Variants in AGAP4 observed in about 807,000 individuals in gnomAD.
The protein encoded by AGAP4 is arf-GAP with GTPase, ANK repeat and PH domain-containing protein 4.
In AGAP4, 13 loss-of-function variants were observed where a neutral mutation model predicts 60.7. The ratio of observed to expected loss-of-function variants is 0.21; its 90% confidence interval spans 0.14 to 0.34. The LOEUF (loss-of-function observed/expected upper bound fraction) is 0.34, where lower values mean the gene tolerates loss of function less well. Among genes scored for constraint, AGAP4 ranks in the 10% least tolerant of loss-of-function variants. AGAP4 has a pLI of 1.00. For missense variants in AGAP4, 169 were observed against 884.0 expected (o/e 0.19, Z 10.26); for synonymous variants, 70 against 339.0 (o/e 0.21, Z 8.72).
chr10:45,848,117 CA>C, upstream of AGAP4, among the ~76,000 whole-genome samples: 1 of 148,766 alleles, frequency 6.7e-6, no homozygotes, highest in South Asian at 2.2e-4. Flanking sequence ...TGTAACTAAA[CA>C]CTCCTCTCCT....
intron 4 of AGAP4, among the ~76,000 whole-genome samples, chr10:45,838,991 CATTA>C (rs1465460170): frequency 1.6e-5 from 2 of 125,944 alleles, no homozygotes; most frequent in African/African-American, 6.0e-5. Flanking sequence ...GGCTTAATAT[CATTA>C]ATTATACTCA....
chr10:45,843,960 C>G (rs1447446521), intron 3 of AGAP4, among the ~76,000 whole-genome samples: 6 of 149,016 alleles, frequency 4.0e-5, no homozygotes, highest in South Asian at 2.1e-4. Flanking sequence ...AGCTGAAGTT[C>G]TATCATTCAT....
At chr10:45,829,207 C>G (rs1442151759) in intron 6 of AGAP4, among the ~76,000 whole-genome samples, 1 of 97,066 alleles carries the variant, frequency 1.0e-5, no homozygotes, top group Non-Finnish European at 2.0e-5. Context: ...TTCACTGTCC[C>G]CTACAGGTAA....
At chr10:45,839,836 TA>T (rs1280547327) in intron 4 of AGAP4, among the ~76,000 whole-genome samples, 1 of 130,366 alleles carries the variant, frequency 7.7e-6, no homozygotes, top group Admixed American at 7.4e-5. Context: ...AGCAAAACTT[TA>T]AAAAAAAATC....
intron 3 of AGAP4, 134 bp from the exon 4 acceptor site, chr10:45,841,821 T>C (rs1170037233): frequency 2.9e-6 from 3 of 1,021,478 alleles, no homozygotes; most frequent in Non-Finnish European, 2.7e-6. Flanking sequence ...TTCAATAACA[T>C]ATAATTTAAA....
chr10:45,852,495 T>TAATAAGAA (rs2059097611), upstream of AGAP4, among the ~76,000 whole-genome samples: 1 of 150,140 alleles, frequency 6.7e-6, no homozygotes, highest in African/African-American at 2.5e-5. Context: ...GAGGAAAAAA[T>TAATAAGAA]AATAAGAAAA....
intron 5 of AGAP4, among the ~76,000 whole-genome samples, chr10:45,832,116 A>T (rs1350981268): frequency 0.01 from 1,442 of 137,696 alleles, 35 homozygotes; most frequent in African/African-American, 0.037. Context: ...GGGAAGGCAA[A>T]TCTCAATTCT....
intron 5 of AGAP4, 127 bp from the exon 6 acceptor site, chr10:45,831,556 G>C (rs1487971314): frequency 1.4e-6 from 1 of 732,840 alleles, no homozygotes; most frequent in Non-Finnish European, 2.2e-6. Flanking sequence ...GTTCAGAACA[G>C]TACCATAAGG....
intron 6 of AGAP4, among the ~76,000 whole-genome samples, chr10:45,829,331 CTT>C (rs1342795180): frequency 6.0e-5 from 8 of 134,096 alleles, no homozygotes; most frequent in African/African-American, 2.0e-4. Flanking sequence ...ACCAGAAGCG[CTT>C]TTTTTTTTTT....
intron 4 of AGAP4, among the ~76,000 whole-genome samples, chr10:45,837,010 G>A (rs1296974658): frequency 1.1e-4 from 16 of 146,394 alleles, no homozygotes; most frequent in East Asian, 8.1e-4. Flanking sequence ...GGGATTACAG[G>A]TGAGCGCCAC....
chr10:45,838,804 C>T (rs1177022804), intron 4 of AGAP4, among the ~76,000 whole-genome samples: 3 of 151,644 alleles, frequency 2.0e-5, no homozygotes, highest in Non-Finnish European at 2.9e-5. Context: ...ATGAACAAAT[C>T]TTAATTAACT....
upstream of AGAP4, chr10:45,847,563 C>T (rs1412820151): frequency 5.0e-5 from 72 of 1,441,670 alleles, 1 homozygote; most frequent in South Asian, 9.7e-4. Context: ...ACCCTGCTGC[C>T]TCCCCTGAGT....
chr10:45,852,411 A>G (rs1317670259), upstream of AGAP4, among the ~76,000 whole-genome samples: 1 of 140,776 alleles, frequency 7.1e-6, no homozygotes, highest in Non-Finnish European at 1.6e-5. Flanking sequence ...ATAAATAAGT[A>G]TATCAACAAA....
chr10:45,846,030 T>C (rs2058993116), intron 2 of AGAP4, among the ~76,000 whole-genome samples: 1 of 122,580 alleles, frequency 8.2e-6, no homozygotes, highest in African/African-American at 3.1e-5. Context: ...GCAATCTTTA[T>C]ATTACACATT....
At chr10:45,830,258 C>T (rs1283702522) in intron 6 of AGAP4, among the ~76,000 whole-genome samples, 2 of 144,366 alleles carry the variant, frequency 1.4e-5, no homozygotes, top group Non-Finnish European at 1.5e-5. Context: ...CTGCAACCTC[C>T]ACCTCCCAGG....
intron 2 of AGAP4, among the ~76,000 whole-genome samples, chr10:45,844,668 A>AC (rs1478720685): frequency 7.8e-6 from 1 of 127,772 alleles, no homozygotes; most frequent in Non-Finnish European, 1.7e-5. Context: ...CTTTATTTAA[A>AC]AAAAAAAAAA....
chr10:45,844,051 C>G (rs1419422401), intron 3 of AGAP4, among the ~76,000 whole-genome samples: 4 of 150,018 alleles, frequency 2.7e-5, no homozygotes, highest in African/African-American at 1.0e-4. Context: ...AAGATAAATC[C>G]AAGAATTATA....
upstream of AGAP4, among the ~76,000 whole-genome samples, chr10:45,849,641 C>T (rs1467092142): frequency 2.7e-5 from 4 of 149,346 alleles, no homozygotes; most frequent in Non-Finnish European, 4.4e-5. Flanking sequence ...TTGCTGAACA[C>T]TATTTTTTTT....
intron 6 of AGAP4, among the ~76,000 whole-genome samples, chr10:45,828,361 A>G (rs1274254734): frequency 6.7e-6 from 1 of 149,762 alleles, no homozygotes; most frequent in East Asian, 1.9e-4. Flanking sequence ...ACATATTTTC[A>G]CTCTTCTAAC....
Sources: gnomAD v4.1 joint callset for allele counts (sites outside exome capture counted in the v4.1 genomes callset) on GRCh38, gnomAD v4.1.1 for gene constraint, MANE v1.5 for transcripts, NCBI Gene and HGNC (gene_info 2026-07-23, HGNC 2026-07-21) for gene names.